MTOR: variants seen among roughly 807,000 people sequenced by gnomAD.
The protein encoded by MTOR is mechanistic target of rapamycin kinase.
A neutral mutation model predicts 319.8 loss-of-function variants in MTOR; 70 were observed. The ratio of observed to expected loss-of-function variants is 0.22; its 90% CI spans 0.18 to 0.27. The LOEUF (loss-of-function observed/expected upper bound fraction) is 0.27, where lower values mean the gene tolerates loss of function less well. Among genes scored for constraint, MTOR ranks in the 10% least tolerant of loss-of-function variants. MTOR has a pLI of 1.00. For missense variants in MTOR, 1,890 were observed against 3,274.4 expected (o/e 0.58, Z 10.32); for synonymous variants, 1,183 against 1,211.4 (o/e 0.98, Z 0.49).
At chr1:11,252,612 G>A (rs1263661428) in intron 6 of MTOR, among the ~76,000 whole-genome samples, 1 of 152,156 alleles carries the variant, frequency 6.6e-6, no homozygotes, top group East Asian at 1.9e-4. Flanking sequence ...TCATCAGAGC[G>A]GTGGGGATCT....
intron 49 of MTOR, among the ~76,000 whole-genome samples, chr1:11,119,503 G>A (rs1345056949): frequency 1.3e-5 from 2 of 150,080 alleles, no homozygotes; most frequent in African/African-American, 2.5e-5. Context: ...CCCGGGAGGC[G>A]GAGCTTGCAG....
At chr1:11,152,263 T>C (rs1644173694) in intron 30 of MTOR, 1 of 152,204 alleles carries the variant, frequency 6.6e-6, no homozygotes, top group Non-Finnish European at 1.5e-5. Context: ...CTGATACCTT[T>C]CACTACACAT....
At chr1:11,184,137 G>A (rs368968663) in intron 28 of MTOR, among the ~76,000 whole-genome samples, 2 of 152,056 alleles carry the variant, frequency 1.3e-5, no homozygotes, top group East Asian at 1.9e-4. Flanking sequence ...AAATACCTTG[G>A]TTATTTAACC....
At position 11,212,945 on chromosome 1, in the gene MTOR, A is replaced by G; in HGVS notation, c.3286-37T>C. The G allele has an allele frequency of 6.5e-7, 1 of 1,528,694 alleles. No individual in the cohort carries two copies. The highest frequency in any genetic ancestry group is 9.1e-7 in the Non-Finnish European group (1 of 1,102,594). The allele number at this position is 1,528,694 out of a possible 1,614,324, so 94.7% of individuals were successfully genotyped here. A position where few individuals can be genotyped will look rare whatever the true frequency, so the allele number is the denominator to read the frequency against. On this transcript the variant is annotated intron_variant, in intron 21 of 57. Transcript: ENST00000361445. This position sits in a 1 kb window ranked among gnomAD's most constrained non-coding sequence, Gnocchi z 4.1. ...AGCAAAAGCATGGTGATGAATAGTC[A>G]GGTCCCAAGTATCTAAGGACACGCA...
At chr1:11,190,288 G>A (rs1313644335) in intron 28 of MTOR, among the ~76,000 whole-genome samples, 3 of 152,110 alleles carry the variant, frequency 2.0e-5, no homozygotes, top group Non-Finnish European at 4.4e-5. Flanking sequence ...ACCAAGAGCT[G>A]ACAGGCTATA....
chr1:11,253,592 C>A (rs1041899948), intron 6 of MTOR, among the ~76,000 whole-genome samples: 1 of 152,136 alleles, frequency 6.6e-6, no homozygotes, highest in African/African-American at 2.4e-5. Context: ...TGTGGACCCC[C>A]GTCAAATAAC....
chr1:11,241,495 A>G (rs893121173), intron 10 of MTOR, 58 bp downstream of exon 10: 27 of 1,555,316 alleles, frequency 1.7e-5, no homozygotes, highest in East Asian at 6.8e-5. Flanking sequence ...TAACAGTCCC[A>G]ACACTGGGGG....
intron 34 of MTOR, among the ~76,000 whole-genome samples, chr1:11,140,517 C>T (rs913011849): frequency 4.6e-5 from 7 of 152,294 alleles, no homozygotes; most frequent in Middle Eastern, 6.8e-3. Flanking sequence ...GGCTACTCAC[C>T]GGTCCCCGGC....
At chr1:11,137,151 T>TAAA (rs1643464830) in intron 36 of MTOR, among the ~76,000 whole-genome samples, 1 of 11,984 alleles carries the variant, frequency 8.3e-5, no homozygotes, top group East Asian at 2.6e-3. Flanking sequence ...TTAAATCTGA[T>TAAA]TAAAAAAAAA....
At chr1:11,222,062 T>C (rs1304976871) in intron 19 of MTOR, among the ~76,000 whole-genome samples, 1 of 151,858 alleles carries the variant, frequency 6.6e-6, no homozygotes, top group Non-Finnish European at 1.5e-5. Flanking sequence ...GCTTGACTCA[T>C]TATACTAAAA....
At chr1:11,134,930 T>G (rs1260420671) in intron 36 of MTOR, among the ~76,000 whole-genome samples, 3 of 152,200 alleles carry the variant, frequency 2.0e-5, no homozygotes, top group Non-Finnish European at 2.9e-5. Context: ...AAAAATCATA[T>G]AGCACCCAAA....
intron 28 of MTOR, among the ~76,000 whole-genome samples, chr1:11,170,565 A>G (rs1223966707): frequency 6.6e-6 from 1 of 151,916 alleles, no homozygotes; most frequent in Non-Finnish European, 1.5e-5. Flanking sequence ...AAGAAAAATA[A>G]TAATAAAAAA....
rs759603938 is a variant in MTOR at position 11,130,690 on chromosome 1, G to A, written c.5452C>T (p.Arg1818Cys). 17 of 1,609,370 alleles carry A rather than the reference G, an allele frequency of 1.1e-5. No individual in the cohort carries two copies. The highest frequency in any genetic ancestry group is 1.6e-4 in the Middle Eastern group (1 of 6,076). The part of the protein sequence containing the change: ...NQARDEKKKL[R>C]HASGANITNA... ...GTGATGTTGGCCCCGCTGGCATGAC[G>A]CAGTTTCTTCTTCTCATCGCGGGCT... Residue 1818 changes from arginine to cysteine, a missense_variant, in exon 39 of 58, where the codon CGT becomes TGT. By Grantham distance (180) the Arg-to-Cys change is radical (BLOSUM62 -3). This residue lies in a region of MTOR where 91 missense variants were observed against 90.4 expected (regional missense o/e 1.01). Transcript: ENST00000361445.
At chr1:11,183,388 C>T (rs1645218791) in intron 28 of MTOR, among the ~76,000 whole-genome samples, 1 of 152,128 alleles carries the variant, frequency 6.6e-6, no homozygotes, top group Non-Finnish European at 1.5e-5. Context: ...CCACCTCAAC[C>T]TCCCGAGTAG....
intron 29 of MTOR, among the ~76,000 whole-genome samples, chr1:11,163,596 G>C (rs1327358900): frequency 6.6e-6 from 1 of 152,192 alleles, no homozygotes; most frequent in East Asian, 1.9e-4. Flanking sequence ...TCAGACCACA[G>C]TGCAATCAAA....
In MTOR at chr1:11,145,028, C is replaced by T. The variant is rs1643887287; in HGVS notation, c.4704G>A (p.Arg1568=). Residue 1568 remains arginine, a synonymous_variant, in exon 33 of 58, where the codon AGG becomes AGA. Coordinates refer to ENST00000361445, the MANE Select transcript of MTOR (RefSeq NM_004958.4). The part of the protein sequence containing the change: ...SLAQQCIDKA[R]DLLDAELTAM... ...CAGTTAATTCAGCATCCAGCAGGTC[C>T]CTGGCCTTGTCAATGCACTAGAAGA... 6.2e-7 allele frequency: 1 copy of T among 1,614,026 alleles called. No individual in the cohort carries two copies. Among genetic ancestry groups the T allele is most frequent in the African/African-American group, 1.3e-5 (1 of 74,918 alleles).
Position 11,232,933 on chromosome 1 carries a change from C to T in MTOR, c.2422-405G>A, listed in dbSNP as rs564003315. ...AGCCCTCTCTTCCTTTCTCCACCAT[C>T]ATGGTGTGTGCCTGACTCTGATTCT... On this transcript the variant is annotated intron_variant, in intron 15 of 57. Transcript: ENST00000361445. The T allele has an allele frequency of 5.6e-6, 4 of 717,358 alleles. No individual in the cohort carries two copies. In the South Asian group the frequency reaches 5.9e-5, roughly 11 times the overall value. 44.4% of individuals were successfully genotyped at this position (717,358 alleles called of 1,614,324 possible).
intron 49 of MTOR, among the ~76,000 whole-genome samples, chr1:11,118,241 T>G (rs1480996795): frequency 3.0e-5 from 4 of 132,890 alleles, no homozygotes; most frequent in African/African-American, 5.7e-5. Flanking sequence ...TTTTTTTTTT[T>G]TTTTTTTTTT....
chr1:11,172,628 T>A (rs997347699), intron 28 of MTOR, among the ~76,000 whole-genome samples: 1 of 149,274 alleles, frequency 6.7e-6, no homozygotes, highest in Non-Finnish European at 1.5e-5. Context: ...CCCAGCACTG[T>A]GGGAGGCCGA....
Sources: gnomAD v4.1 joint callset for allele counts (sites outside exome capture counted in the v4.1 genomes callset) on GRCh38, gnomAD v4.1.1 for gene constraint, gnomAD v4.1.1 regional missense constraint, Gnocchi (gnomAD v3.1) non-coding constraint, MANE v1.5 for transcripts, NCBI Gene and HGNC (gene_info 2026-07-23, HGNC 2026-07-21) for gene names.